The following VTCN1 variants were observed in gnomAD, a reference collection of about 807,000 sequenced individuals.
VTCN1 encodes V-set domain-containing T-cell activation inhibitor 1.
A neutral mutation model predicts 26.5 loss-of-function variants in VTCN1; 26 were observed. That is an observed-to-expected ratio of 0.98 (90% confidence interval 0.72 to 1.36). The LOEUF (loss-of-function observed/expected upper bound fraction) is 1.36. Ranked by LOEUF, VTCN1 falls within the 40% of genes most tolerant of loss-of-function variation. The pLI, the probability that VTCN1 is intolerant of heterozygous loss-of-function variation, is 0.00. For synonymous variants in VTCN1, 116 were observed against 130.7 expected (o/e 0.89, Z 0.77); for missense variants, 298 against 337.7 (o/e 0.88, Z 0.92).
intron 1 of VTCN1, among the ~76,000 whole-genome samples, chr1:117,202,387 G>T (rs753142707): frequency 7.2e-5 from 11 of 152,172 alleles, no homozygotes; most frequent in Non-Finnish European, 1.3e-4. Flanking sequence ...CAAATCAGGG[G>T]AGTGTAGTGT....
At chr1:117,199,761 C>T (rs1168619805) in intron 1 of VTCN1, among the ~76,000 whole-genome samples, 1 of 151,342 alleles carries the variant, frequency 6.6e-6, no homozygotes, top group Non-Finnish European at 1.5e-5. Flanking sequence ...TCAGCCTCCC[C>T]AGTAGCTGGG....
chr1:117,178,238 T>C lies in VTCN1; in HGVS notation c.33-8067A>G, dbSNP rs147773929. ...ACAGGCACACCTGGCTGAGTGTTTT[T>C]GTTCTTTCTTTCTTTTTTTTCTTTT... On this transcript the variant is annotated intron_variant, in intron 1 of 5. Transcript: ENST00000369458. Among the ~76,000 whole-genome samples the C allele has an allele frequency of 5.1e-4, 76 of 147,854 alleles. No homozygotes were observed. In the East Asian group the frequency reaches 0.015, roughly 29 times the overall value.
intron 1 of VTCN1, among the ~76,000 whole-genome samples, chr1:117,199,844 C>T (rs1648707868): frequency 6.6e-6 from 1 of 151,980 alleles, no homozygotes; most frequent in Non-Finnish European, 1.5e-5. Context: ...CCATGTTGGC[C>T]AAGATGGTCT....
chr1:117,173,783 G>C (rs1653052854), intron 1 of VTCN1, among the ~76,000 whole-genome samples: 1 of 152,218 alleles, frequency 6.6e-6, no homozygotes. Context: ...GAGGGGACCT[G>C]AACAGCGACA....
At chr1:117,195,769 A>G (rs749550659) in intron 1 of VTCN1, among the ~76,000 whole-genome samples, 8 of 152,172 alleles carry the variant, frequency 5.3e-5, no homozygotes, top group Non-Finnish European at 7.3e-5. Flanking sequence ...TGCACAGCCA[A>G]CTTTGATCCA....
At chr1:117,149,651 G>A (rs1651692524) in intron 4 of VTCN1, among the ~76,000 whole-genome samples, 1 of 152,074 alleles carries the variant, frequency 6.6e-6, no homozygotes, top group South Asian at 2.1e-4. Flanking sequence ...AATCTACACT[G>A]TGATTAACTT....
chr1:117,200,466 C>T (rs1310090534), intron 1 of VTCN1, among the ~76,000 whole-genome samples: 3 of 152,164 alleles, frequency 2.0e-5, no homozygotes, highest in Admixed American at 2.0e-4. Context: ...GACCTCCAGC[C>T]AGGACTTCAG....
At chr1:117,163,592 A>G (rs1652475360) in intron 2 of VTCN1, among the ~76,000 whole-genome samples, 1 of 152,242 alleles carries the variant, frequency 6.6e-6, no homozygotes, top group South Asian at 2.1e-4. Context: ...AATGACCATT[A>G]TACCCATTTA....
chr1:117,163,074 C>T (rs369585736), intron 2 of VTCN1, among the ~76,000 whole-genome samples: 10 of 152,348 alleles, frequency 6.6e-5, no homozygotes, highest in African/African-American at 2.4e-4. Flanking sequence ...AAATGCAAAG[C>T]TTAACCTTGG....
intron 1 of VTCN1, among the ~76,000 whole-genome samples, chr1:117,179,621 G>C (rs915940144): frequency 6.6e-6 from 1 of 152,160 alleles, no homozygotes; most frequent in African/African-American, 2.4e-5. Flanking sequence ...GGTGGGAAAA[G>C]TTTCTAGTAC....
intron 1 of VTCN1, among the ~76,000 whole-genome samples, chr1:117,177,035 G>A (rs998305562): frequency 4.6e-5 from 7 of 152,194 alleles, no homozygotes; most frequent in African/African-American, 7.2e-5. Context: ...GGAGGCGAAG[G>A]CTGCTGTGAG....
chr1:117,181,578 C>T (rs1446398255), intron 1 of VTCN1, among the ~76,000 whole-genome samples: 1 of 152,238 alleles, frequency 6.6e-6, no homozygotes, highest in Non-Finnish European at 1.5e-5. Context: ...CTGCCTCAGG[C>T]TCCTTCCTGA....
At chr1:117,177,142 G>T (rs547281296) in intron 1 of VTCN1, among the ~76,000 whole-genome samples, 1 of 152,088 alleles carries the variant, frequency 6.6e-6, no homozygotes, top group South Asian at 2.1e-4. Context: ...GATTAAAAGC[G>T]GGAAAGGAAA....
At chr1:117,206,258 A>G (rs973097784) in intron 1 of VTCN1, among the ~76,000 whole-genome samples, 2 of 152,096 alleles carry the variant, frequency 1.3e-5, no homozygotes, top group African/African-American at 2.4e-5. Context: ...AATCCAAAGT[A>G]TACCCTCACT....
intron 1 of VTCN1, among the ~76,000 whole-genome samples, chr1:117,193,839 A>G (rs1570984390): frequency 6.6e-6 from 1 of 152,276 alleles, no homozygotes; most frequent in African/African-American, 2.4e-5. Context: ...AAGAAATTGG[A>G]TCTTTATCTT....
chr1:117,176,616 T>A (rs950708734), intron 1 of VTCN1, among the ~76,000 whole-genome samples: 1 of 152,238 alleles, frequency 6.6e-6, no homozygotes, highest in African/African-American at 2.4e-5. Flanking sequence ...TCCACTCGTG[T>A]GATTGATAAA....
chr1:117,179,911 C>T (rs747701325), intron 1 of VTCN1, among the ~76,000 whole-genome samples: 1 of 152,176 alleles, frequency 6.6e-6, no homozygotes, highest in Non-Finnish European at 1.5e-5. Context: ...CCCCTGAGGA[C>T]TCAGTCCTGG....
At chr1:117,151,408 G>A (rs148208300) in intron 4 of VTCN1, among the ~76,000 whole-genome samples, 1 of 152,142 alleles carries the variant, frequency 6.6e-6, no homozygotes, top group Non-Finnish European at 1.5e-5. Flanking sequence ...GTGAGCAGCA[G>A]CAAGATTTAT....
At chr1:117,164,573 G>A (rs1652518418) in intron 2 of VTCN1, among the ~76,000 whole-genome samples, 1 of 152,168 alleles carries the variant, frequency 6.6e-6, no homozygotes, top group Non-Finnish European at 1.5e-5. Context: ...AATGGCAGCT[G>A]TTTATCACAC....
Sources: gnomAD v4.1 joint callset for allele counts (sites outside exome capture counted in the v4.1 genomes callset) on GRCh38, gnomAD v4.1.1 for gene constraint, MANE v1.5 for transcripts, NCBI Gene and HGNC (gene_info 2026-07-23, HGNC 2026-07-21) for gene names.